The following FRYL variants were observed in gnomAD, a reference collection of about 807,000 sequenced individuals.
FRYL encodes FRY like transcription coactivator.
In FRYL, 150 loss-of-function variants were observed where a neutral mutation model predicts 351.2. The ratio of observed to expected loss-of-function variants is 0.43; its 90% confidence interval spans 0.37 to 0.49. The LOEUF is 0.49. FRYL is among the 20% of genes least tolerant of loss of function. The pLI, the probability that FRYL is intolerant of heterozygous loss-of-function variation, is 0.00. For missense variants in FRYL, 3,036 were observed against 3,619.3 expected (o/e 0.84, Z 4.13); for synonymous variants, 1,153 against 1,257.1 (o/e 0.92, Z 1.75).
At chr4:48,558,533 C>G (rs531927555) in intron 33 of FRYL, among the ~76,000 whole-genome samples, 10 of 152,150 alleles carry the variant, frequency 6.6e-5, no homozygotes, top group Non-Finnish European at 1.5e-5. Context: ...TGTGAATACA[C>G]TAAACAATTC....
At chr4:48,552,244 G>GGTGTGTGTGTGTGTGTGTGTGTGT (rs67155390) in intron 36 of FRYL, among the ~76,000 whole-genome samples, 4 of 145,350 alleles carry the variant, frequency 2.8e-5, no homozygotes, top group African/African-American at 1.0e-4. Flanking sequence ...AGTCCAAAGG[G>GGTGTGTGTGTGTGTGTGTGTGTGT]GTGTGTGTGT....
intron 12 of FRYL, 60 bp downstream of exon 12, chr4:48,603,230 A>G: frequency 1.7e-6 from 2 of 1,149,150 alleles, no homozygotes; most frequent in East Asian, 2.4e-5. Flanking sequence ...CACTGAATTC[A>G]TAAATCAATT....
chr4:48,686,509 TA>T (rs925142128), intron 2 of FRYL, among the ~76,000 whole-genome samples: 2 of 148,454 alleles, frequency 1.3e-5, no homozygotes, highest in African/African-American at 4.9e-5. Context: ...CCCTCAAACC[TA>T]AAAAAAAAAC....
intron 7 of FRYL, among the ~76,000 whole-genome samples, chr4:48,613,619 T>C (rs1411201265): frequency 1.3e-5 from 2 of 152,200 alleles, no homozygotes; most frequent in Admixed American, 1.3e-4. Flanking sequence ...GGTTGCTGTG[T>C]ACTTCTCTAG....
chr4:48,705,117 AAAAC>A (rs1767175535), intron 2 of FRYL, among the ~76,000 whole-genome samples: 1 of 152,078 alleles, frequency 6.6e-6, no homozygotes, highest in Admixed American at 6.6e-5. Context: ...AGACTGTCTT[AAAAC>A]AAACAAATAA....
chr4:48,594,444 A>G (rs534611699), intron 15 of FRYL, among the ~76,000 whole-genome samples: 32 of 152,268 alleles, frequency 2.1e-4, no homozygotes, highest in African/African-American at 7.5e-4. Flanking sequence ...TGCTGTTTGA[A>G]AGGAGTTTTA....
chr4:48,582,675 A>G lies in FRYL; in HGVS notation c.1808T>C (p.Leu603Pro). 1 of 1,614,168 alleles carries G rather than the reference A, an allele frequency of 6.2e-7. No homozygotes were observed. Among genetic ancestry groups the G allele is most frequent in the Non-Finnish European group, 8.5e-7 (1 of 1,180,004 alleles). ...RALAFNTLQA[L>P]MLDFPDWRED... ...CCGCCAATCTGGAAAATCAAGCATT[A>G]GTGCCTGCAGAGTATTGAAAGCCAG... The change falls in exon 20 of 64, where the codon CTA (leucine) becomes CCA (proline). Residue 603 changes from leucine to proline, a missense_variant. Leu to Pro is a moderately conservative substitution (Grantham distance 98). Around this residue, in one of 7 missense-constraint regions of FRYL, gnomAD observed 492 missense variants for 551.5 expected, o/e 0.89. Transcript: ENST00000358350.
intron 1 of FRYL, among the ~76,000 whole-genome samples, chr4:48,766,231 CT>C (rs1774930942): frequency 6.6e-6 from 1 of 152,174 alleles, no homozygotes; most frequent in Non-Finnish European, 1.5e-5. Flanking sequence ...TGTTGTGAGT[CT>C]GGTTTGTGAG....
rs780276252 is a variant in FRYL, at chr4:48,564,061, C to G, written c.3483G>C (p.Glu1161Asp). The change falls in exon 31 of 64, where the codon GAG becomes GAC. Residue 1161 changes from glutamate to aspartate, a missense_variant. By Grantham distance (45) the Glu-to-Asp change is conservative. Coordinates refer to ENST00000358350, the MANE Select transcript of FRYL (RefSeq NM_015030.2). ...TCAGGTTGCTCTGATCAGGGTTCAG[C>G]TCCAGTAACAACGTAACTGCTTCAC... Reference protein sequence around the residue: ...LGCEAVTLLLELNPDQSNLMY... With the variant: ...LGCEAVTLLLDLNPDQSNLMY... 6.2e-7 allele frequency: 1 copy of G among 1,614,204 alleles called. No individual in the cohort carries two copies.
At chr4:48,502,756 G>T (rs1216156890) in intron 61 of FRYL, 72 bp downstream of exon 61, 1 of 1,211,142 alleles carries the variant, frequency 8.3e-7, no homozygotes, top group Non-Finnish European at 1.2e-6. Context: ...GGTCACAAAT[G>T]GACAAATGGC....
intron 1 of FRYL, among the ~76,000 whole-genome samples, chr4:48,716,008 A>G (rs1768779826): frequency 6.6e-6 from 1 of 152,212 alleles, no homozygotes; most frequent in South Asian, 2.1e-4. Context: ...AAACCTGAGA[A>G]AAACAAGCAA....
At chr4:48,680,639 T>C (rs1030871302) in intron 3 of FRYL, among the ~76,000 whole-genome samples, 6 of 152,146 alleles carry the variant, frequency 3.9e-5, no homozygotes, top group African/African-American at 1.2e-4. Context: ...TTACATATCC[T>C]ATAGGTGTAA....
intron 7 of FRYL, 42 bp downstream of exon 7, chr4:48,619,232 A>C (rs1265393273): frequency 1.6e-6 from 2 of 1,260,482 alleles, no homozygotes; most frequent in Non-Finnish European, 2.3e-6. Context: ...ACAGTAAGCA[A>C]AGAATAAGGA....
chr4:48,711,147 G>C (rs368048405), intron 1 of FRYL, among the ~76,000 whole-genome samples: 11 of 152,196 alleles, frequency 7.2e-5, no homozygotes, highest in African/African-American at 2.7e-4. Flanking sequence ...CACAGAAGAC[G>C]GGTGATTTCT....
At chr4:48,715,341 T>G (rs1438443249) in intron 1 of FRYL, among the ~76,000 whole-genome samples, 3 of 152,168 alleles carry the variant, frequency 2.0e-5, no homozygotes, top group African/African-American at 4.8e-5. Context: ...TTGTCCCTGT[T>G]TGCAGATGAC....
rs772811151 is a variant in FRYL, at chr4:48,595,990, G to A, written c.1046C>T (p.Pro349Leu). Residue 349 changes from proline to leucine, a missense_variant, in exon 14 of 64, where the codon CCG (proline) becomes CTG (leucine). Coordinates refer to ENST00000358350, the MANE Select transcript of FRYL (RefSeq NM_015030.2). ...NCLSHLKNKD[P>L]KMSRVALESL... The stretch of plus-strand genomic sequence containing the variant: ...TTCCAGTGCAACTCGAGACATTTTC[G>A]GATCTTTATTCTGTTTTAAAACAAA... 1.1e-5 allele frequency: 18 copies of A among 1,590,674 alleles called. No individual in the cohort carries two copies. The highest frequency in any genetic ancestry group is 2.3e-5 in the East Asian group (1 of 44,150).
At chr4:48,746,157 C>A (rs530990386) in intron 1 of FRYL, among the ~76,000 whole-genome samples, 15 of 152,342 alleles carry the variant, frequency 9.8e-5, no homozygotes, top group African/African-American at 3.6e-4. Flanking sequence ...GCATTTCCCA[C>A]AGGATGGGTC....
At chr4:48,606,790 T>G (rs1746936794) in intron 9 of FRYL, among the ~76,000 whole-genome samples, 184 bp from the exon 10 acceptor site, 1 of 152,218 alleles carries the variant, frequency 6.6e-6, no homozygotes, top group Admixed American at 6.5e-5. Context: ...GCTGTTCATT[T>G]CTTTTAAAAT....
At chr4:48,501,157 G>C (rs1046943797) in intron 62 of FRYL, among the ~76,000 whole-genome samples, 1 of 148,448 alleles carries the variant, frequency 6.7e-6, no homozygotes, top group Non-Finnish European at 1.5e-5. Context: ...TGATGATACA[G>C]TTTTATGTCT....
Sources: allele counts gnomAD v4.1 joint callset (sites outside exome capture counted in the v4.1 genomes callset), GRCh38; gene constraint gnomAD v4.1.1; regional missense constraint gnomAD v4.1.1; transcripts MANE v1.5; gene names NCBI Gene and HGNC (gene_info 2026-07-23, HGNC 2026-07-21).